The following GRIA3 variants were observed in gnomAD, a reference collection of about 807,000 sequenced individuals.
The protein encoded by GRIA3 is glutamate ionotropic receptor AMPA type subunit 3, also known as glutamate receptor 3.
In GRIA3, 3 loss-of-function variants were observed where a neutral mutation model predicts 63.0. The observed-to-expected ratio is 0.05, with a 90% CI of 0.02 to 0.12. The LOEUF (loss-of-function observed/expected upper bound fraction) is 0.12, where lower values mean the gene tolerates loss of function less well. Ranked by LOEUF, GRIA3 falls within the 10% of genes least tolerant of loss-of-function variation. The pLI is 1.00. For missense variants in GRIA3, 347 were observed against 700.9 expected (o/e 0.50, Z 5.70); for synonymous variants, 274 against 257.9 (o/e 1.06, Z -0.60).
intron 5 of GRIA3, among the ~76,000 whole-genome samples, chrX:123,362,649 T>C (rs1039650448): frequency 9.0e-5 from 10 of 110,690 alleles, no homozygotes; most frequent in African/African-American, 3.3e-4. Flanking sequence ...TTTATGCTTT[T>C]TTAAAAATCC....
intron 15 of GRIA3, among the ~76,000 whole-genome samples, chrX:123,483,379 G>A (rs770049350): frequency 8.9e-6 from 1 of 111,746 alleles, no homozygotes; most frequent in African/African-American, 3.2e-5. Flanking sequence ...AGTAAAACAA[G>A]TGAAATTAAT....
intron 5 of GRIA3, among the ~76,000 whole-genome samples, chrX:123,355,710 T>G (rs1189615603): frequency 3.6e-5 from 4 of 111,769 alleles, no homozygotes; most frequent in Non-Finnish European, 7.5e-5. Flanking sequence ...TTACATGAGT[T>G]CTAACCCCAA....
chrX:123,470,365 C>A (rs930878000), intron 13 of GRIA3, among the ~76,000 whole-genome samples: 2 of 111,773 alleles, frequency 1.8e-5, no homozygotes, highest in Non-Finnish European at 3.8e-5. Context: ...CAATGTGATG[C>A]TAGGAAAAAA....
Position 123,419,052 on chromosome X carries a change from T to C in GRIA3, c.1877+1274T>C, listed in dbSNP as rs1009412948. 2.7e-5 allele frequency among the ~76,000 whole-genome samples: 3 copies of C among 112,194 alleles called. No homozygotes were observed. The Admixed American group carries it at 2.8e-4, about 11-fold the overall frequency. Reference sequence around the variant, plus strand: ...AATATTTTATATCTATATAGTGGAATACTATTCACCAATTAAAAAGAACAG... The same window carrying C: ...AATATTTTATATCTATATAGTGGAACACTATTCACCAATTAAAAAGAACAG... On this transcript the variant is annotated intron_variant, in intron 11 of 15. Transcript: ENST00000620443.
chrX:123,189,455 C>G (rs1569395070), intron 2 of GRIA3, among the ~76,000 whole-genome samples: 1 of 112,210 alleles, frequency 8.9e-6, no homozygotes, highest in Non-Finnish European at 1.9e-5. Flanking sequence ...ATCGCCGATT[C>G]CCTTGAAGTC....
intron 3 of GRIA3, among the ~76,000 whole-genome samples, chrX:123,317,520 G>A (rs957618359): frequency 8.9e-6 from 1 of 111,971 alleles, no homozygotes; most frequent in African/African-American, 3.2e-5. Flanking sequence ...CATTCCAAAT[G>A]AGAGTGATTT....
chrX:123,380,156 C>T lies in GRIA3; in HGVS notation c.751-14812C>T, dbSNP rs774496912. On this transcript the variant is annotated intron_variant, in intron 5 of 15. Coordinates refer to ENST00000620443, the MANE Select transcript of GRIA3 (RefSeq NM_007325.5). ...CGATTTATAATCGTTTGGGTATATA[C>T]CCAGTAATGGGATGGCTGGGTCAAA... is the stretch of plus-strand genomic sequence containing the variant. 8.1e-5 allele frequency among the ~76,000 whole-genome samples: 9 copies of T among 111,201 alleles called. No homozygotes were observed. The South Asian group carries it at 3.1e-3, about 39-fold the overall frequency.
chrX:123,483,866 A>C (rs932963142), intron 15 of GRIA3, among the ~76,000 whole-genome samples: 1 of 110,610 alleles, frequency 9.0e-6, no homozygotes, highest in African/African-American at 3.3e-5. Flanking sequence ...TGGGAGGTGG[A>C]GCTTGCAGTG....
intron 3 of GRIA3, among the ~76,000 whole-genome samples, chrX:123,269,220 C>T (rs1345887082): frequency 1.1e-4 from 12 of 111,983 alleles, no homozygotes; most frequent in South Asian, 3.7e-4. Context: ...CATATTGTGA[C>T]GAGAAAGAAT....
At chrX:123,388,892 T>C (rs2045368392) in intron 5 of GRIA3, among the ~76,000 whole-genome samples, 1 of 112,115 alleles carries the variant, frequency 8.9e-6, no homozygotes, top group African/African-American at 3.2e-5. Context: ...TTTTTCTGTT[T>C]CCCACAGATT....
chrX:123,464,600 T>G (rs1488341501), intron 12 of GRIA3, among the ~76,000 whole-genome samples: 1 of 111,379 alleles, frequency 9.0e-6, no homozygotes, highest in Non-Finnish European at 1.9e-5. Flanking sequence ...TGAAATCCAT[T>G]TAGTGGGTCC....
intron 5 of GRIA3, among the ~76,000 whole-genome samples, chrX:123,386,648 A>G (rs2147373196): frequency 8.9e-6 from 1 of 112,157 alleles, no homozygotes; most frequent in South Asian, 3.7e-4. Flanking sequence ...GATGAAAAAT[A>G]GGAGTCCAGT....
chrX:123,249,883 C>A (rs2044379399), intron 2 of GRIA3, among the ~76,000 whole-genome samples: 1 of 111,256 alleles, frequency 9.0e-6, no homozygotes, highest in African/African-American at 3.3e-5. Flanking sequence ...TTTATAAGTT[C>A]TTCTTTTGTC....
chrX:123,212,337 C>T (rs1219372120), intron 2 of GRIA3, among the ~76,000 whole-genome samples: 2 of 111,987 alleles, frequency 1.8e-5, no homozygotes, highest in East Asian at 5.6e-4. Flanking sequence ...GACACCTTGC[C>T]TTCTATTTTC....
intron 12 of GRIA3, among the ~76,000 whole-genome samples, chrX:123,443,607 C>T (rs1035754347): frequency 8.1e-5 from 9 of 111,628 alleles, no homozygotes; most frequent in East Asian, 2.8e-4. Flanking sequence ...TTCCTTTACC[C>T]GACCCTTACT....
chrX:123,483,738 T>C (rs1202152457), intron 15 of GRIA3, among the ~76,000 whole-genome samples: 1 of 111,695 alleles, frequency 9.0e-6, no homozygotes, highest in Admixed American at 9.4e-5. Flanking sequence ...CGAGACCATC[T>C]TGGCTAACAC....
chrX:123,330,819 T>C (rs2044936380), intron 4 of GRIA3, among the ~76,000 whole-genome samples: 1 of 111,935 alleles, frequency 8.9e-6, no homozygotes, highest in East Asian at 2.8e-4. Context: ...TCAGGCTATA[T>C]GAAGGTGAAG....
intron 6 of GRIA3, among the ~76,000 whole-genome samples, chrX:123,396,763 T>C (rs1288136021): frequency 1.8e-5 from 2 of 112,228 alleles, no homozygotes; most frequent in Non-Finnish European, 1.9e-5. Flanking sequence ...GAAATCAAGA[T>C]AAAAATATCA....
chrX:123,328,156 T>C (rs1009230421), intron 4 of GRIA3, among the ~76,000 whole-genome samples: 1 of 111,775 alleles, frequency 8.9e-6, no homozygotes, highest in Non-Finnish European at 1.9e-5. Context: ...GAATTCTATA[T>C]AATTGTGGGA....
Sources: allele counts gnomAD v4.1 joint callset (sites outside exome capture counted in the v4.1 genomes callset), GRCh38; gene constraint gnomAD v4.1.1; transcripts MANE v1.5; gene names NCBI Gene and HGNC (gene_info 2026-07-23, HGNC 2026-07-21).